Variants in CCDC90B observed in about 807,000 individuals in gnomAD.
CCDC90B encodes the protein coiled-coil domain-containing protein 90B, mitochondrial.
CCDC90B carries 24 observed loss-of-function variants against 37.0 expected under a neutral mutation model. That is an observed-to-expected ratio of 0.65 (90% CI 0.47 to 0.91). The LOEUF is 0.91. Ranked by LOEUF, CCDC90B falls within the 40% of genes least tolerant of loss-of-function variation. The pLI is 0.00. For synonymous variants in CCDC90B, 113 were observed against 101.1 expected (o/e 1.12, Z -0.71); for missense variants, 319 against 299.0 (o/e 1.07, Z -0.49).
At position 83,275,136 on chromosome 11, in the gene CCDC90B, G is replaced by A. The variant is rs1481940622; in HGVS notation, c.325-396C>T. On this transcript the variant is annotated intron_variant, in intron 3 of 8. Transcript: ENST00000529689. ...TGGAAAATTCCATGGTATTGGATACGACTCAGAAGTCAGGCAGTAAAACAA... is the reference window on the plus strand; with the variant it reads ...TGGAAAATTCCATGGTATTGGATACAACTCAGAAGTCAGGCAGTAAAACAA... Among the ~76,000 whole-genome samples the A allele has an allele frequency of 3.9e-5, 6 of 152,196 alleles. No homozygotes were observed. The South Asian group carries it at 8.3e-4, about 21-fold the overall frequency.
intron 8 of CCDC90B, among the ~76,000 whole-genome samples, chr11:83,263,103 A>G (rs1864028455): frequency 6.6e-6 from 1 of 152,102 alleles, no homozygotes; most frequent in Non-Finnish European, 1.5e-5. Context: ...TTCTCTTAAT[A>G]AAAAAACACA....
At position 83,270,559 on chromosome 11, in the gene CCDC90B, G is replaced by C. The variant is rs190301703; in HGVS notation, c.594+3088C>G. Among the ~76,000 whole-genome samples the C allele has an allele frequency of 2.8e-3, 420 of 152,268 alleles. 3 individuals carry two copies. The highest frequency in any genetic ancestry group is 9.5e-3 in the African/African-American group (394 of 41,550). ...AACTCCCATTCACAATTGCTACAAAGAGAATAAAATACCTAGGAATCTAAC... is the reference window on the plus strand; with the variant it reads ...AACTCCCATTCACAATTGCTACAAACAGAATAAAATACCTAGGAATCTAAC... On this transcript the variant is annotated intron_variant, in intron 7 of 8. Coordinates refer to ENST00000529689, the MANE Select transcript of CCDC90B (RefSeq NM_021825.5).
rs149118481 is a variant in CCDC90B at position 83,266,064 on chromosome 11, T to C, written c.595-85A>G. 5,372 of 673,412 alleles carry C rather than the reference T, an allele frequency of 8.0e-3. 151 individuals carry two copies. The highest frequency in any genetic ancestry group is 0.071 in the African/African-American group (3,909 of 54,946). 41.7% of individuals were successfully genotyped at this position (673,412 alleles called of 1,614,324 possible). A position where few individuals can be genotyped will look rare whatever the true frequency, so the allele number is the denominator to read the frequency against. Reference sequence around the variant, plus strand: ...CATTTACATTATAAACCCTCACTTATGGGCTAATTGTGATATAAAAGTCTT... The same window carrying C: ...CATTTACATTATAAACCCTCACTTACGGGCTAATTGTGATATAAAAGTCTT... On this transcript the variant is annotated intron_variant, in intron 7 of 8. Coordinates refer to ENST00000529689, the MANE Select transcript of CCDC90B (RefSeq NM_021825.5).
intron 1 of CCDC90B, among the ~76,000 whole-genome samples, chr11:83,282,211 A>T (rs145332589): frequency 6.6e-6 from 1 of 152,370 alleles, no homozygotes; most frequent in African/African-American, 2.4e-5. Flanking sequence ...CTTGTGATCA[A>T]TGGCTAACTG....
chr11:83,286,206 T>C lies in CCDC90B; in HGVS notation c.-234A>G, dbSNP rs896448491. On this transcript the variant is annotated 5_prime_UTR_variant, in exon 1 of 9. Transcript: ENST00000529689. ...GCTGCCCCGCTTCTCCCAGCGCCCC[T>C]TCCCGACCTTTGAACGCCTTCACCG... is the stretch of plus-strand genomic sequence containing the variant. 3 of 1,530,948 alleles carry C rather than the reference T, an allele frequency of 2.0e-6. No homozygotes were observed. Among genetic ancestry groups the C allele is most frequent in the Admixed American group, 3.9e-5 (2 of 50,826 alleles). The allele number at this position is 1,530,948 out of a possible 1,614,324, so 94.8% of individuals were successfully genotyped here.
chr11:83,277,361 T>C (rs1052307935), intron 3 of CCDC90B, among the ~76,000 whole-genome samples: 2 of 152,210 alleles, frequency 1.3e-5, no homozygotes, highest in Admixed American at 6.5e-5. Context: ...TAGTAGTCTG[T>C]TATGATCCTA....
At chr11:83,284,921 C>T (rs1865590333) in intron 1 of CCDC90B, among the ~76,000 whole-genome samples, 1 of 152,190 alleles carries the variant, frequency 6.6e-6, no homozygotes, top group Non-Finnish European at 1.5e-5. Context: ...GTATGCTAAA[C>T]ACTCAAATAC....
intron 8 of CCDC90B, among the ~76,000 whole-genome samples, chr11:83,264,332 GATCTA>G (rs1225935653): frequency 6.6e-6 from 1 of 152,092 alleles, no homozygotes; most frequent in Non-Finnish European, 1.5e-5. Context: ...AAAAATACGT[GATCTA>G]ATTATTTTTA....
intron 2 of CCDC90B, among the ~76,000 whole-genome samples, chr11:83,279,607 C>T (rs1158546714): frequency 6.6e-6 from 1 of 152,026 alleles, no homozygotes; most frequent in Non-Finnish European, 1.5e-5. Context: ...ATTTAGTTTT[C>T]AATAAGGGGA....
intron 2 of CCDC90B, 33 bp from the exon 3 acceptor site, chr11:83,278,862 T>G (rs1259472679): frequency 8.0e-7 from 1 of 1,252,460 alleles, no homozygotes; most frequent in Non-Finnish European, 1.2e-6. Flanking sequence ...TTATTTTTTT[T>G]AAAGTGTATA....
chr11:83,264,397 T>A (rs1329278736), intron 8 of CCDC90B, among the ~76,000 whole-genome samples: 1 of 152,254 alleles, frequency 6.6e-6, no homozygotes, highest in Non-Finnish European at 1.5e-5. Flanking sequence ...AGAAAATGTT[T>A]ACTACTAATA....
rs1453569363 is a variant in CCDC90B, at chr11:83,260,609, T to C, written c.*1302A>G. ...TGCTCTATACTGCAGATTCCCTGTT[T>C]ATAGCTAAACAAATGACAAGGCTAT... On this transcript the variant is annotated 3_prime_UTR_variant, in exon 9 of 9. Transcript: ENST00000529689. 6.6e-6 allele frequency: 1 copy of C among 152,220 alleles called. No individual in the cohort carries two copies. The highest frequency in any genetic ancestry group is 1.5e-5 in the Non-Finnish European group (1 of 68,040). 9.4% of individuals were successfully genotyped at this position (152,220 alleles called of 1,614,324 possible).
At position 83,285,892 on chromosome 11, in the gene CCDC90B, G is replaced by A; in HGVS notation, c.81C>T (p.Phe27=). The change falls in exon 1 of 9, where the codon TTC becomes TTT. Residue 27 remains phenylalanine, a synonymous_variant. Coordinates refer to ENST00000529689, the MANE Select transcript of CCDC90B (RefSeq NM_021825.5). ...DRWVSRPRGH[F]SPALRREFFT... ...CCTCACCTCTCCGCAGGGCCGGCGA[G>A]AAATGCCCGCGGGGCCTTGAAACCC... 1 of 1,613,074 alleles carries A rather than the reference G, an allele frequency of 6.2e-7. No homozygotes were observed. The highest frequency in any genetic ancestry group is 1.3e-5 in the African/African-American group (1 of 75,046).
intron 3 of CCDC90B, among the ~76,000 whole-genome samples, chr11:83,278,149 A>G (rs1416721391): frequency 2.0e-5 from 3 of 152,226 alleles, no homozygotes; most frequent in East Asian, 1.9e-4. Flanking sequence ...TCAGTGGCCA[A>G]ATAGAATTCT....
At chr11:83,269,686 G>A (rs1182270726) in intron 7 of CCDC90B, among the ~76,000 whole-genome samples, 2 of 152,122 alleles carry the variant, frequency 1.3e-5, no homozygotes, top group East Asian at 3.9e-4. Flanking sequence ...ACCAAAAAAA[G>A]TCCAGGACCA....
At chr11:83,272,831 A>G (rs540995530) in intron 7 of CCDC90B, among the ~76,000 whole-genome samples, 1 of 152,350 alleles carries the variant, frequency 6.6e-6, no homozygotes, top group African/African-American at 2.4e-5. Context: ...TGAGTCAGAA[A>G]GCTGGGTTTT....
intron 7 of CCDC90B, among the ~76,000 whole-genome samples, chr11:83,266,522 C>T (rs541436053): frequency 2.6e-4 from 40 of 152,360 alleles, no homozygotes; most frequent in African/African-American, 6.3e-4. Context: ...AGTCTGAAAT[C>T]GAACTGTGAG....
chr11:83,278,591 GT>G (rs907350807), intron 3 of CCDC90B, 134 bp downstream of exon 3: 156 of 547,274 alleles, frequency 2.9e-4, no homozygotes, highest in African/African-American at 8.5e-4. Context: ...TTTATTCAAT[GT>G]TTTTTTTTGT....
rs773517708 is a variant in CCDC90B, at chr11:83,273,847, GATTCGACTGGTTTC to G, written c.472_485del (p.Glu158GlnfsTer4). On this transcript the variant is annotated frameshift_variant, in exon 6 of 9. Transcript: ENST00000529689. LOFTEE classifies it high-confidence loss of function. ...TGATATCCAGTTTATTATCTGCTCT[GATTCGACTGGTTTC>G]ATGCTTTAAAGAAAGCAAAGATATT... 8.9e-5 allele frequency: 143 copies of G among 1,609,538 alleles called. No individual in the cohort carries two copies. In the African/African-American group the frequency reaches 1.8e-3, roughly 20 times the overall value.
Sources: gnomAD v4.1 joint callset for allele counts (sites outside exome capture counted in the v4.1 genomes callset) on GRCh38, gnomAD v4.1.1 for gene constraint, MANE v1.5 for transcripts, NCBI Gene and HGNC (gene_info 2026-07-23, HGNC 2026-07-21) for gene names.